Variants in PDE3A observed in about 807,000 individuals in gnomAD.
PDE3A encodes the protein cGMP-inhibited 3',5'-cyclic phosphodiesterase 3A.
PDE3A carries 43 observed loss-of-function variants against 98.3 expected under a neutral mutation model. The ratio of observed to expected loss-of-function variants is 0.44; its 90% CI spans 0.34 to 0.56. PDE3A has a LOEUF of 0.56. Among genes scored for constraint, PDE3A ranks in the 20% least tolerant of loss-of-function variants. The pLI is 0.01. For synonymous variants in PDE3A, 663 were observed against 567.9 expected, an observed-to-expected ratio of 1.17 and a Z score of -2.38; for missense variants, 1,427 against 1,440.7, an observed-to-expected ratio of 0.99 and a Z score of 0.15.
chr12:20,491,465 G>A (rs987308366), intron 1 of PDE3A, among the ~76,000 whole-genome samples: 2 of 152,158 alleles, frequency 1.3e-5, no homozygotes, highest in African/African-American at 4.8e-5. Context: ...GGTGCTGTGA[G>A]GTGTATCATT....
chr12:20,656,645 T>C (rs1190499777), intron 15 of PDE3A, among the ~76,000 whole-genome samples: 3 of 152,228 alleles, frequency 2.0e-5, no homozygotes, highest in African/African-American at 7.2e-5. Context: ...AGTTTTCTCT[T>C]TTTGTTTGTT....
intron 2 of PDE3A, among the ~76,000 whole-genome samples, chr12:20,612,653 A>ATATAAGTAATATATAAGTAAC: frequency 6.8e-6 from 1 of 147,518 alleles, no homozygotes; most frequent in Admixed American, 6.8e-5. Context: ...AAGTAACTAT[A>ATATAAGTAATATATAAGTAAC]TATAAGTAAT....
intron 1 of PDE3A, among the ~76,000 whole-genome samples, chr12:20,527,980 A>G (rs1946556718): frequency 6.6e-6 from 1 of 152,064 alleles, no homozygotes; most frequent in South Asian, 2.1e-4. Context: ...CCCGGCTGTA[A>G]GTGTTCGATT....
intron 4 of PDE3A, among the ~76,000 whole-genome samples, chr12:20,620,993 T>A (rs1301383002): frequency 6.6e-6 from 1 of 152,048 alleles, no homozygotes; most frequent in East Asian, 1.9e-4. Context: ...GTGAGGAACG[T>A]AATTTTAGAG....
intron 1 of PDE3A, among the ~76,000 whole-genome samples, chr12:20,494,315 T>G (rs2121058128): frequency 6.6e-6 from 1 of 152,332 alleles, no homozygotes; most frequent in Middle Eastern, 3.4e-3. Context: ...TTTTAAAATA[T>G]TTTCTTGATA....
At chr12:20,426,181 A>G (rs564887588) in intron 1 of PDE3A, among the ~76,000 whole-genome samples, 1 of 152,334 alleles carries the variant, frequency 6.6e-6, no homozygotes, top group South Asian at 2.1e-4. Flanking sequence ...ATAGTGGATT[A>G]TCTCACATAT....
intron 1 of PDE3A, among the ~76,000 whole-genome samples, chr12:20,417,780 T>C (rs996043120): frequency 3.9e-5 from 6 of 152,232 alleles, no homozygotes; most frequent in African/African-American, 9.6e-5. Flanking sequence ...AGGTATTTGT[T>C]GAGTACTTAC....
chr12:20,520,428 G>A (rs1946400502), intron 1 of PDE3A, among the ~76,000 whole-genome samples: 1 of 152,122 alleles, frequency 6.6e-6, no homozygotes, highest in African/African-American at 2.4e-5. Flanking sequence ...GCTTAGAAGT[G>A]GTTGAGTTCC....
intron 2 of PDE3A, among the ~76,000 whole-genome samples, chr12:20,577,274 C>A (rs902331262): frequency 6.6e-6 from 1 of 152,056 alleles, no homozygotes; most frequent in Non-Finnish European, 1.5e-5. Context: ...TTCTAGAGCA[C>A]GCAATCCATG....
At chr12:20,586,914 T>G (rs1392099939) in intron 2 of PDE3A, among the ~76,000 whole-genome samples, 1 of 30,552 alleles carries the variant, frequency 3.3e-5, no homozygotes, top group African/African-American at 9.8e-5. Context: ...CAGATATGTA[T>G]TTTTTTTACC....
At chr12:20,394,422 G>T (rs558533560) in intron 1 of PDE3A, among the ~76,000 whole-genome samples, 4 of 152,008 alleles carry the variant, frequency 2.6e-5, no homozygotes, top group Non-Finnish European at 5.9e-5. Context: ...TTTTTCATGA[G>T]TTGGGATAAA....
rs2120484199 is a variant in PDE3A, at chr12:20,370,200, A to G, written c.916A>G (p.Lys306Glu). Residue 306 changes from lysine to glutamate, a missense_variant, in exon 1 of 16, where the codon AAG becomes GAG. By Grantham distance (56) the Lys-to-Glu change is moderately conservative. Coordinates refer to ENST00000359062, the MANE Select transcript of PDE3A (RefSeq NM_000921.5). ...CGCCGAGATGTCCGGCTGCAGCAGCAAGTCCCATCGGAGGACCTCCCTGCC... is the reference window on the plus strand; with the variant it reads ...CGCCGAGATGTCCGGCTGCAGCAGCGAGTCCCATCGGAGGACCTCCCTGCC... ...VSAEMSGCSSKSHRRTSLPCI... is the reference protein window; with the variant it reads ...VSAEMSGCSSESHRRTSLPCI... 2 of 1,607,180 alleles carry G rather than the reference A, an allele frequency of 1.2e-6. No individual in the cohort carries two copies. Among genetic ancestry groups the G allele is most frequent in the East Asian group, 4.5e-5 (2 of 44,822 alleles).
At chr12:20,388,594 T>C (rs1943855484) in intron 1 of PDE3A, among the ~76,000 whole-genome samples, 1 of 152,006 alleles carries the variant, frequency 6.6e-6, no homozygotes, top group African/African-American at 2.4e-5. Context: ...GTATTGAGAC[T>C]ACCTCACTGA....
At chr12:20,663,314 G>A (rs764537627) in intron 15 of PDE3A, among the ~76,000 whole-genome samples, 17 of 152,216 alleles carry the variant, frequency 1.1e-4, no homozygotes, top group Non-Finnish European at 1.8e-4. Context: ...GTTCCTACTG[G>A]TGCACTGCAC....
intron 8 of PDE3A, among the ~76,000 whole-genome samples, chr12:20,636,077 G>A (rs1400505001): frequency 1.3e-5 from 2 of 152,122 alleles, no homozygotes; most frequent in Non-Finnish European, 2.9e-5. Flanking sequence ...ATTGTCTTAG[G>A]GCATCTGCTG....
chr12:20,490,649 C>T (rs1393534934), intron 1 of PDE3A, among the ~76,000 whole-genome samples: 6 of 152,152 alleles, frequency 3.9e-5, no homozygotes, highest in African/African-American at 1.4e-4. Flanking sequence ...TATTGAACAT[C>T]AGCAATGTCC....
In PDE3A at chr12:20,369,796, A is replaced by G; in HGVS notation, c.512A>G (p.Glu171Gly). ...CTGCTGGCCGCCTGCTGCGGGGGGG[A>G]AGCGCTCGTCCAGATTGGGCTGGGC... ...VALLAACCGG[E>G]ALVQIGLGVG... is the part of the protein sequence containing the mutation. Residue 171 changes from glutamate (E) to glycine (G), a missense_variant, in exon 1 of 16, where the codon GAA becomes GGA. Physicochemically the swap from Glu to Gly is moderately conservative, Grantham distance 98. This residue lies in a region of PDE3A where 1,012 missense variants were observed against 886.5 expected (regional missense o/e 1.14). Coordinates refer to ENST00000359062, the MANE Select transcript of PDE3A (RefSeq NM_000921.5). 3.1e-6 allele frequency: 5 copies of G among 1,611,890 alleles called. No homozygotes were observed. Among genetic ancestry groups the G allele is most frequent in the Non-Finnish European group, 4.2e-6 (5 of 1,179,544 alleles).
intron 2 of PDE3A, among the ~76,000 whole-genome samples, chr12:20,594,301 A>G (rs1051666753): frequency 2.6e-5 from 4 of 152,176 alleles, no homozygotes; most frequent in Non-Finnish European, 4.4e-5. Context: ...GTCTATTAGA[A>G]GGATGAAATT....
At chr12:20,533,478 C>CTTTTTTTT (rs10707682) in intron 1 of PDE3A, among the ~76,000 whole-genome samples, 2 of 124,644 alleles carry the variant, frequency 1.6e-5, no homozygotes, top group African/African-American at 6.1e-5. Flanking sequence ...GTTTCTTTTT[C>CTTTTTTTT]TTTTTTTTTT....
Sources: allele counts gnomAD v4.1 joint callset (sites outside exome capture counted in the v4.1 genomes callset), GRCh38; gene constraint gnomAD v4.1.1; regional missense constraint gnomAD v4.1.1; transcripts MANE v1.5; gene names NCBI Gene and HGNC (gene_info 2026-07-23, HGNC 2026-07-21).